TAB2: variants seen among roughly 807,000 people sequenced by gnomAD.
TAB2 encodes TGF-beta-activated kinase 1 and MAP3K7-binding protein 2.
TAB2 carries 3 observed loss-of-function variants against 65.0 expected under a neutral mutation model. The observed-to-expected ratio is 0.05, with a 90% CI of 0.02 to 0.12. The LOEUF (loss-of-function observed/expected upper bound fraction) is 0.12. Among genes scored for constraint, TAB2 ranks in the 10% least tolerant of loss-of-function variants. TAB2 has a pLI of 1.00. For synonymous variants in TAB2, 298 were observed against 285.1 expected, an observed-to-expected ratio of 1.05 and a Z score of -0.46; for missense variants, 623 against 840.3, an observed-to-expected ratio of 0.74 and a Z score of 3.20.
At chr6:149,397,478 C>CTG (rs1211343676) in intron 3 of TAB2, 126 bp from the exon 4 acceptor site, 9 of 1,079,496 alleles carry the variant, frequency 8.3e-6, no homozygotes, top group Non-Finnish European at 1.1e-5. Flanking sequence ...AATGCCTAAA[C>CTG]TTACAATATT....
intron 1 of TAB2, chr6:149,243,340 C>CA (rs965959419): frequency 3.3e-5 from 5 of 152,178 alleles, no homozygotes; most frequent in Admixed American, 3.3e-4. Flanking sequence ...TTTGTATAAT[C>CA]AATATATCGT....
chr6:149,317,755 C>T lies in TAB2; in HGVS notation c.-350C>T. The T allele has an allele frequency of 6.2e-6, 1 of 161,706 alleles. No individual in the cohort carries two copies. Among genetic ancestry groups the T allele is most frequent in the Non-Finnish European group, 1.3e-5 (1 of 74,156 alleles). 10.0% of individuals were successfully genotyped at this position (161,706 alleles called of 1,614,324 possible). A position where few individuals can be genotyped will look rare whatever the true frequency, so the allele number is the denominator to read the frequency against. On this transcript the variant is annotated 5_prime_UTR_variant, in exon 1 of 7. Coordinates refer to ENST00000637181, the MANE Select transcript of TAB2 (RefSeq NM_001292034.3). The surrounding 1 kb of genome is among the most constrained non-coding windows in gnomAD (Gnocchi z 4.7). ...CAGCCGCCGGCGGGGCGACCCAGCCCGACCCCCTCCCCTCCCCCTCAGCCA... is the reference window on the plus strand; with the variant it reads ...CAGCCGCCGGCGGGGCGACCCAGCCTGACCCCCTCCCCTCCCCCTCAGCCA...
intron 3 of TAB2, among the ~76,000 whole-genome samples, chr6:149,391,645 G>T (rs999156361): frequency 2.6e-5 from 4 of 151,934 alleles, no homozygotes; most frequent in Non-Finnish European, 5.9e-5. Flanking sequence ...AGGCTCAAAT[G>T]ATCCTCCCAC....
intron 1 of TAB2, among the ~76,000 whole-genome samples, chr6:149,337,946 T>G (rs2114770199): frequency 6.6e-6 from 1 of 152,190 alleles, no homozygotes; most frequent in Middle Eastern, 3.4e-3. Flanking sequence ...CTGAGATGCA[T>G]GGAGTCAGGT....
At chr6:149,288,686 A>T (rs1019921748) in intron 1 of TAB2, among the ~76,000 whole-genome samples, 2 of 152,206 alleles carry the variant, frequency 1.3e-5, no homozygotes, top group African/African-American at 4.8e-5. Context: ...GCAATACTTG[A>T]TAGCAGGACT....
chr6:149,245,869 T>G (rs1311822139), intron 1 of TAB2, among the ~76,000 whole-genome samples: 2 of 152,258 alleles, frequency 1.3e-5, no homozygotes, highest in African/African-American at 4.8e-5. Flanking sequence ...CAAATACTTC[T>G]GTCTATACAT....
At chr6:149,316,520 A>G (rs1303168657), upstream of TAB2, among the ~76,000 whole-genome samples, 1 of 152,214 alleles carries the variant, frequency 6.6e-6, no homozygotes, top group Non-Finnish European at 1.5e-5. Flanking sequence ...GGATATGGAC[A>G]TTTTGGACAG....
At chr6:149,401,901 TC>T (rs1180854594) in intron 6 of TAB2, among the ~76,000 whole-genome samples, 1 of 150,964 alleles carries the variant, frequency 6.6e-6, no homozygotes, top group Non-Finnish European at 1.5e-5. Flanking sequence ...CTTAACAGTA[TC>T]TTCAGACAAA....
Position 149,409,768 on chromosome 6 carries a change from A to G in TAB2, c.*49A>G, listed in dbSNP as rs1202135369. ...TAAAACCACATCTAAAGTTCAAGAAACTAGTCTGTCATCGGGAAAAAGTTT... is the reference window on the plus strand; with the variant it reads ...TAAAACCACATCTAAAGTTCAAGAAGCTAGTCTGTCATCGGGAAAAAGTTT... On this transcript the variant is annotated 3_prime_UTR_variant, in exon 7 of 7. Coordinates refer to ENST00000637181, the MANE Select transcript of TAB2 (RefSeq NM_001292034.3). 1.2e-6 allele frequency: 2 copies of G among 1,610,160 alleles called. No individual in the cohort carries two copies. The highest frequency in any genetic ancestry group is 2.7e-5 in the African/African-American group (2 of 74,852).
chr6:149,258,416 T>TAC (rs56710457), intron 1 of TAB2, among the ~76,000 whole-genome samples: 8,706 of 146,148 alleles, frequency 0.06, 355 homozygotes, highest in African/African-American at 0.12. Context: ...CATGACTGCC[T>TAC]ACACACACAC....
At chr6:149,330,819 G>A (rs1288007280) in intron 1 of TAB2, among the ~76,000 whole-genome samples, 3 of 152,052 alleles carry the variant, frequency 2.0e-5, no homozygotes, top group South Asian at 2.1e-4. Flanking sequence ...TTTATGGATT[G>A]TGCCTTTCTT....
At chr6:149,286,532 T>C (rs890176025) in intron 1 of TAB2, among the ~76,000 whole-genome samples, 2 of 152,202 alleles carry the variant, frequency 1.3e-5, no homozygotes, top group African/African-American at 4.8e-5. Context: ...ACTTTACCAA[T>C]ATGTATCACA....
At chr6:149,311,876 G>A (rs969548304) in intron 1 of TAB2, among the ~76,000 whole-genome samples, 2 of 152,228 alleles carry the variant, frequency 1.3e-5, no homozygotes, top group African/African-American at 4.8e-5. Context: ...CTATCCAAAG[G>A]TGAAGAAGAA....
chr6:149,240,252 C>T (rs780153561), intron 1 of TAB2, among the ~76,000 whole-genome samples: 4 of 152,174 alleles, frequency 2.6e-5, no homozygotes, highest in South Asian at 2.1e-4. Flanking sequence ...CAGGCATCTT[C>T]CTGCTTGGCT....
At position 149,238,150 on chromosome 6, in the gene TAB2, G is replaced by A. The variant is rs1470284960; in HGVS notation, c.-121+19374G>A. 5.9e-5 allele frequency among the ~76,000 whole-genome samples: 9 copies of A among 152,072 alleles called. 1 individual carries two copies. The highest frequency in any genetic ancestry group is 1.3e-4 in the Admixed American group (2 of 15,262). The stretch of plus-strand genomic sequence containing the variant: ...TAGGGACCTGTCTCCCATCACTTTG[G>A]AGTTCCCAACACCCAGCACGGTGCC... On this transcript the variant is annotated intron_variant, in intron 1 of 1. Transcript: ENST00000606202.
intron 1 of TAB2, among the ~76,000 whole-genome samples, chr6:149,330,010 T>C (rs1307076425): frequency 6.6e-6 from 1 of 152,164 alleles, no homozygotes; most frequent in Non-Finnish European, 1.5e-5. Context: ...GGCAACCACT[T>C]ACCTGCTTCT....
intron 1 of TAB2, among the ~76,000 whole-genome samples, chr6:149,273,047 T>C (rs1778392710): frequency 2.7e-5 from 4 of 150,864 alleles, no homozygotes; most frequent in Admixed American, 1.3e-4. Flanking sequence ...CTTCGCCCCA[T>C]GTCCATGGAA....
intron 3 of TAB2, among the ~76,000 whole-genome samples, chr6:149,395,408 G>A (rs1782131166): frequency 6.6e-6 from 1 of 151,902 alleles, no homozygotes; most frequent in Non-Finnish European, 1.5e-5. Flanking sequence ...TGCTATCTAG[G>A]TTTAATTAAA....
chr6:149,402,503 CAAAG>C (rs973228248), intron 6 of TAB2, among the ~76,000 whole-genome samples: 1 of 151,992 alleles, frequency 6.6e-6, no homozygotes, highest in African/African-American at 2.4e-5. Flanking sequence ...AAATTCCCAA[CAAAG>C]AAAAGTCCAG....
Sources: gnomAD v4.1 joint callset for allele counts (sites outside exome capture counted in the v4.1 genomes callset) on GRCh38, gnomAD v4.1.1 for gene constraint, Gnocchi (gnomAD v3.1) non-coding constraint, MANE v1.5 for transcripts, NCBI Gene and HGNC (gene_info 2026-07-23, HGNC 2026-07-21) for gene names.